Variants in ELOVL6 observed in about 807,000 individuals in gnomAD.
ELOVL6 encodes ELOVL fatty acid elongase 6, also known as very long chain fatty acid elongase 6.
A neutral mutation model predicts 31.7 loss-of-function variants in ELOVL6; 8 were observed. The observed-to-expected ratio is 0.25, with a 90% CI of 0.15 to 0.45. The LOEUF (loss-of-function observed/expected upper bound fraction) is 0.45, where lower values mean the gene tolerates loss of function less well. Ranked by LOEUF, ELOVL6 falls within the 20% of genes least tolerant of loss-of-function variation. The probability of loss-of-function intolerance (pLI) is 1.00; values close to 1 mark genes in which losing one functional copy is unlikely to be tolerated. For synonymous variants in ELOVL6, 101 were observed against 117.7 expected (o/e 0.86, Z 0.92); for missense variants, 126 against 326.4 (o/e 0.39, Z 4.73).
At chr4:110,198,709 G>A (rs771626886), upstream of ELOVL6, 3 of 190,110 alleles carry the variant, frequency 1.6e-5, no homozygotes, top group Admixed American at 5.4e-5. Flanking sequence ...GCGAGGGAGT[G>A]TGCGAAAGAG....
intron 1 of ELOVL6, among the ~76,000 whole-genome samples, chr4:110,188,745 A>C (rs1759519520): frequency 6.6e-6 from 1 of 152,038 alleles, no homozygotes; most frequent in Non-Finnish European, 1.5e-5. Context: ...AAAAAAAATT[A>C]GCCAGGCATG....
At chr4:110,141,913 A>G (rs1757975506) in intron 1 of ELOVL6, among the ~76,000 whole-genome samples, 1 of 145,100 alleles carries the variant, frequency 6.9e-6, no homozygotes, top group Non-Finnish European at 1.5e-5. Flanking sequence ...CTAATACAAT[A>G]TATACATATA....
chr4:110,141,758 G>GTATTT (rs1757965791), intron 1 of ELOVL6, among the ~76,000 whole-genome samples: 1 of 140,854 alleles, frequency 7.1e-6, no homozygotes, highest in African/African-American at 2.6e-5. Context: ...ATATAGTATT[G>GTATTT]TATTAGTATA....
chr4:110,064,958 G>T (rs937645903), intron 2 of ELOVL6, among the ~76,000 whole-genome samples: 1 of 152,182 alleles, frequency 6.6e-6, no homozygotes, highest in Middle Eastern at 3.2e-3. Context: ...AGCACTCGGG[G>T]AGAAAAGACT....
At chr4:110,186,761 A>ATG (rs1759451636) in intron 1 of ELOVL6, among the ~76,000 whole-genome samples, 1 of 141,434 alleles carries the variant, frequency 7.1e-6, no homozygotes. Context: ...TTGAGATTAC[A>ATG]CCACTGCACT....
In ELOVL6 at chr4:110,048,186, C is replaced by T. The variant is rs930468532; in HGVS notation, c.*3152G>A. 1.6e-4 allele frequency: 24 copies of T among 152,128 alleles called. No individual in the cohort carries two copies. Among genetic ancestry groups the T allele is most frequent in the African/African-American group, 5.1e-4 (21 of 41,436 alleles). The allele number at this position is 152,128 out of a possible 1,614,324, so 9.4% of individuals were successfully genotyped here. ...TTAGAAGGATGGGAGTAAGTGACTT[C>T]GAATAACCACCTCAATCCATGGTTT... On this transcript the variant is annotated 3_prime_UTR_variant, in exon 4 of 4. Coordinates refer to ENST00000302274, the MANE Select transcript of ELOVL6 (RefSeq NM_024090.3).
Position 110,084,129 on chromosome 4 carries a change from GTGATAA to G in ELOVL6, c.221+21362_221+21367del, listed in dbSNP as rs199530466. On this transcript the variant is annotated intron_variant, in intron 2 of 3. Transcript: ENST00000302274. The stretch of plus-strand genomic sequence containing the variant: ...TATATATGATATATATAACATATAT[GTGATAA>G]TGATATATATGATATATATAACATA... 2.1e-3 allele frequency among the ~76,000 whole-genome samples: 85 copies of G among 40,276 alleles called. 6 individuals are homozygous for G. Among genetic ancestry groups the G allele is most frequent in the African/African-American group, 6.9e-3 (38 of 5,534 alleles). The allele number at this position is 40,276 out of a possible 152,430, so 26.4% of individuals were successfully genotyped here. A position where few individuals can be genotyped will look rare whatever the true frequency, so the allele number is the denominator to read the frequency against.
intron 1 of ELOVL6, among the ~76,000 whole-genome samples, chr4:110,111,923 T>C (rs1204038719): frequency 1.3e-5 from 2 of 152,236 alleles, no homozygotes; most frequent in Admixed American, 6.5e-5. Context: ...CAGTAAGTTG[T>C]GAGGCATGTG....
intron 2 of ELOVL6, among the ~76,000 whole-genome samples, chr4:110,065,530 G>T (rs1310154178): frequency 6.6e-6 from 1 of 152,152 alleles, no homozygotes; most frequent in Non-Finnish European, 1.5e-5. Context: ...AGGCTGAGGT[G>T]AAAGGATCGC....
At chr4:110,092,972 T>G in intron 2 of ELOVL6, 2 of 293,336 alleles carry the variant, frequency 6.8e-6, no homozygotes, top group Non-Finnish European at 1.4e-5. Flanking sequence ...CATCTAAGTA[T>G]ATTACATCCT....
chr4:110,086,351 A>T (rs1756263382), intron 2 of ELOVL6, among the ~76,000 whole-genome samples: 2 of 152,178 alleles, frequency 1.3e-5, no homozygotes, highest in African/African-American at 4.8e-5. Flanking sequence ...GAATCATGAC[A>T]TTTGGAAATA....
intron 2 of ELOVL6, among the ~76,000 whole-genome samples, chr4:110,065,733 C>G (rs1166289222): frequency 6.6e-6 from 1 of 152,190 alleles, no homozygotes; most frequent in Non-Finnish European, 1.5e-5. Context: ...TAACCTTCCA[C>G]TTTTATTTCC....
chr4:110,077,536 T>A (rs1162158418), intron 2 of ELOVL6, among the ~76,000 whole-genome samples: 1 of 152,066 alleles, frequency 6.6e-6, no homozygotes, highest in Non-Finnish European at 1.5e-5. Flanking sequence ...GTCCTGACTG[T>A]TAGAAGGAAA....
At chr4:110,079,056 T>G (rs1755748194) in intron 2 of ELOVL6, among the ~76,000 whole-genome samples, 2 of 152,190 alleles carry the variant, frequency 1.3e-5, no homozygotes, top group African/African-American at 2.4e-5. Flanking sequence ...TAAATATATA[T>G]GCACTCAATA....
At chr4:110,182,035 G>A (rs2126278109) in intron 1 of ELOVL6, among the ~76,000 whole-genome samples, 1 of 152,224 alleles carries the variant, frequency 6.6e-6, no homozygotes. Flanking sequence ...GTGCCACAAG[G>A]TCCCTGAGCC....
chr4:110,102,609 G>A (rs1756779204), intron 2 of ELOVL6, among the ~76,000 whole-genome samples: 1 of 151,628 alleles, frequency 6.6e-6, no homozygotes, highest in Admixed American at 6.6e-5. Flanking sequence ...GTAGGGAGCC[G>A]TGATTGTGCC....
chr4:110,182,780 T>C (rs1410008144), intron 1 of ELOVL6, among the ~76,000 whole-genome samples: 4 of 152,078 alleles, frequency 2.6e-5, no homozygotes, highest in Non-Finnish European at 4.4e-5. Flanking sequence ...TGGTGGCCCA[T>C]GCTTGTAATC....
At chr4:110,094,479 T>G (rs1756523290) in intron 2 of ELOVL6, among the ~76,000 whole-genome samples, 2 of 137,082 alleles carry the variant, frequency 1.5e-5, no homozygotes, top group Non-Finnish European at 3.1e-5. Flanking sequence ...ATATAAAATA[T>G]ATGTAATTAT....
chr4:110,094,445 T>TATATATA (rs1560820753), intron 2 of ELOVL6, among the ~76,000 whole-genome samples: 1,427 of 46,842 alleles, frequency 0.03, 24 homozygotes, highest in South Asian at 0.041. Flanking sequence ...ATATATATAA[T>TATATATA]ATATATAACA....
Sources: allele counts gnomAD v4.1 joint callset (sites outside exome capture counted in the v4.1 genomes callset), GRCh38; gene constraint gnomAD v4.1.1; transcripts MANE v1.5; gene names NCBI Gene and HGNC (gene_info 2026-07-23, HGNC 2026-07-21).